NUP214: variants seen among roughly 807,000 people sequenced by gnomAD.
NUP214 encodes the protein nucleoporin 214, also known as nuclear pore complex protein Nup214.
NUP214 carries 79 observed loss-of-function variants against 196.2 expected under a neutral mutation model. The ratio of observed to expected loss-of-function variants is 0.40; its 90% CI spans 0.34 to 0.49. The LOEUF is 0.49. NUP214 is among the 20% of genes least tolerant of loss of function. The pLI is 0.58. For synonymous variants in NUP214, 1,020 were observed against 990.5 expected, an observed-to-expected ratio of 1.03 and a Z score of -0.56; for missense variants, 2,468 against 2,539.0, an observed-to-expected ratio of 0.97 and a Z score of 0.60.
At chr9:131,133,519 G>T (rs998939396) in intron 7 of NUP214, 12 of 183,102 alleles carry the variant, frequency 6.6e-5, no homozygotes, top group African/African-American at 2.4e-4. Context: ...GCCCAGGCTG[G>T]TCTTGAACTC....
At chr9:131,133,237 T>C in intron 7 of NUP214, 28 bp downstream of exon 7, 1 of 1,381,588 alleles carries the variant, frequency 7.2e-7, no homozygotes, top group Non-Finnish European at 9.8e-7. Context: ...ATTTCATTGT[T>C]TGAGAATTAG....
chr9:131,195,527 G>A, intron 28 of NUP214: 1 of 452,818 alleles, frequency 2.2e-6, no homozygotes, highest in Non-Finnish European at 3.9e-6. Flanking sequence ...GAAAATCAGG[G>A]CTGTGCTTTA....
At chr9:131,142,187 C>T (rs1831937698) in intron 11 of NUP214, among the ~76,000 whole-genome samples, 1 of 152,128 alleles carries the variant, frequency 6.6e-6, no homozygotes, top group African/African-American at 2.4e-5. Context: ...CTACCTATAC[C>T]CAGCTGCCTG....
At position 131,140,702 on chromosome 9, in the gene NUP214, A is replaced by C; in HGVS notation, c.1286A>C (p.Lys429Thr). The C allele has an allele frequency of 6.2e-7, 1 of 1,613,404 alleles. No homozygotes were observed. Among genetic ancestry groups the C allele is most frequent in the East Asian group, 2.2e-5 (1 of 44,882 alleles). ...TCATTAGAAGGAGAGCGACAGCCCA[A>C]GTCACCAGGTATGTGCCTCTGCCTG... is the stretch of plus-strand genomic sequence containing the variant. Reference protein sequence around the residue: ...RLSLEGERQPKSPGSTPTTPT... With the variant: ...RLSLEGERQPTSPGSTPTTPT... Residue 429 changes from lysine to threonine, a missense_variant, in exon 11 of 36, where the codon AAG becomes ACG. Physicochemically the swap from Lys to Thr is moderately conservative, Grantham distance 78 (BLOSUM62 -1). Transcript: ENST00000359428.
In NUP214 at chr9:131,125,884, C is replaced by T. The variant is rs909624948; in HGVS notation, c.45+135C>T. 1.3e-5 allele frequency: 13 copies of T among 968,300 alleles called. No individual in the cohort carries two copies. The highest frequency in any genetic ancestry group is 1.0e-4 in the African/African-American group (6 of 58,216). 60.0% of individuals were successfully genotyped at this position (968,300 alleles called of 1,614,324 possible). The stretch of plus-strand genomic sequence containing the variant: ...TTACCGCGTTCACAGCTCTCACCAG[C>T]GCGTCTGCCGCGCCGCTGGCGTGAT... On this transcript the variant is annotated intron_variant, in intron 1 of 35. Coordinates refer to ENST00000359428, the MANE Select transcript of NUP214 (RefSeq NM_005085.4). The surrounding 1 kb of genome is among the most constrained non-coding windows in gnomAD (Gnocchi z 4.1).
At chr9:131,133,312 T>G (rs1479613125) in intron 7 of NUP214, 103 bp downstream of exon 7, 4 of 664,140 alleles carry the variant, frequency 6.0e-6, no homozygotes, top group East Asian at 3.3e-5. Flanking sequence ...GTGTTTTTTT[T>G]TTTTTTTTTT....
chr9:131,178,336 G>T lies in NUP214; in HGVS notation c.3345G>T (p.Thr1115=), dbSNP rs144670924. 8.7e-6 allele frequency: 14 copies of T among 1,613,730 alleles called. No individual in the cohort carries two copies. Among genetic ancestry groups the T allele is most frequent in the East Asian group, 2.2e-5 (1 of 44,884 alleles). The part of the protein sequence containing the change: ...APAVNTLTES[T]LKNVPQVVNV... Reference sequence around the variant, plus strand: ...CTGTAAACACTTTGACTGAATCAACGTTGAAGAATGTCCCTCAAGTGGTAA... The same window carrying T: ...CTGTAAACACTTTGACTGAATCAACTTTGAAGAATGTCCCTCAAGTGGTAA... The change falls in exon 24 of 36, where the codon ACG becomes ACT. Residue 1115 remains threonine, a synonymous_variant. Coordinates refer to ENST00000359428, the MANE Select transcript of NUP214 (RefSeq NM_005085.4).
At chr9:131,160,979 A>C (rs1204857248) in intron 18 of NUP214, among the ~76,000 whole-genome samples, 1 of 152,240 alleles carries the variant, frequency 6.6e-6, no homozygotes, top group Non-Finnish European at 1.5e-5. Context: ...CCACAAGGGA[A>C]ACAATGGTCT....
chr9:131,138,187 C>T (rs950882664), intron 9 of NUP214, among the ~76,000 whole-genome samples: 7 of 151,330 alleles, frequency 4.6e-5, no homozygotes, highest in Admixed American at 1.3e-4. Context: ...CCTTCTCCTT[C>T]CTTTTCCTTC....
At position 131,230,643 on chromosome 9, in the gene NUP214, A is replaced by G; in HGVS notation, c.6088A>G (p.Ser2030Gly). ...ACTGGAGCGCAGGTTTGGGAGCAGC[A>G]GCAACACCACATCCTTCGGCACGCT... ...SAGGFGFGSS[S>G]NTTSFGTLAS... Residue 2030 changes from serine to glycine, a missense_variant, in exon 34 of 36, where the codon AGC (serine) becomes GGC (glycine). Around this residue, in one of 5 missense-constraint regions of NUP214, gnomAD observed 262 missense variants for 296.5 expected, o/e 0.88. Coordinates refer to ENST00000359428, the MANE Select transcript of NUP214 (RefSeq NM_005085.4). 3 of 1,614,098 alleles carry G rather than the reference A, an allele frequency of 1.9e-6. No individual in the cohort carries two copies. Among genetic ancestry groups the G allele is most frequent in the Non-Finnish European group, 2.5e-6 (3 of 1,179,988 alleles).
At chr9:131,167,704 G>A (rs935459273) in intron 21 of NUP214, among the ~76,000 whole-genome samples, 1 of 152,090 alleles carries the variant, frequency 6.6e-6, no homozygotes, top group Non-Finnish European at 1.5e-5. Flanking sequence ...ATTTGGATAT[G>A]TTCTTTTGTG....
intron 34 of NUP214, 121 bp downstream of exon 34, chr9:131,230,890 G>A (rs756395245): frequency 1.2e-4 from 144 of 1,186,626 alleles, no homozygotes; most frequent in Middle Eastern, 5.9e-4. Flanking sequence ...GACTGGGCAC[G>A]TGGTTCACGC....
chr9:131,155,432 CTG>C (rs1214577527), intron 17 of NUP214, among the ~76,000 whole-genome samples: 4 of 152,316 alleles, frequency 2.6e-5, no homozygotes, highest in Admixed American at 6.5e-5. Flanking sequence ...TTCTCCCACT[CTG>C]TGAGTTGTCT....
chr9:131,199,274 G>A (rs764680341), intron 29 of NUP214, among the ~76,000 whole-genome samples: 12 of 152,118 alleles, frequency 7.9e-5, no homozygotes, highest in Non-Finnish European at 1.3e-4. Context: ...TGTGTTTCAT[G>A]GGGAAAAATC....
rs778221801 is a variant in NUP214, at chr9:131,144,697, C to T, written c.1712C>T (p.Ala571Val). The change falls in exon 12 of 36, where the codon GCA becomes GTA. Residue 571 changes from alanine to valine, a missense_variant. By Grantham distance (64) the Ala-to-Val change is moderately conservative. Transcript: ENST00000359428. ...PVPSVSAPNI[A>V]MKPSFPPSTS... ...CCAAGTGTGTCTGCTCCAAATATAG[C>T]AATGAAGCCCTCCTTCCCACCCTCA... The T allele has an allele frequency of 6.2e-6, 10 of 1,613,960 alleles. No homozygotes were observed. The Admixed American group carries it at 1.7e-4, about 27-fold the overall frequency.
chr9:131,162,586 T>C (rs1471062197), intron 18 of NUP214, among the ~76,000 whole-genome samples: 4 of 152,150 alleles, frequency 2.6e-5, no homozygotes, highest in Non-Finnish European at 1.5e-5. Flanking sequence ...CTGACTCCCA[T>C]AGACTTCCAG....
At chr9:131,164,452 C>A in intron 21 of NUP214, 1 of 308,040 alleles carries the variant, frequency 3.2e-6, no homozygotes, top group Non-Finnish European at 6.1e-6. Flanking sequence ...TTGAGATAGG[C>A]TGAGCTGGAT....
At chr9:131,201,363 G>A (rs1194652622) in intron 29 of NUP214, among the ~76,000 whole-genome samples, 1 of 151,364 alleles carries the variant, frequency 6.6e-6, no homozygotes, top group Non-Finnish European at 1.5e-5. Flanking sequence ...CCGAGATCGC[G>A]CCACTGCACT....
intron 12 of NUP214, among the ~76,000 whole-genome samples, chr9:131,145,744 G>A (rs1298713050): frequency 2.0e-5 from 3 of 152,070 alleles, no homozygotes; most frequent in East Asian, 3.9e-4. Flanking sequence ...CTCTCAAAAC[G>A]AGTTCTCAGT....
Sources: gnomAD v4.1 joint callset for allele counts (sites outside exome capture counted in the v4.1 genomes callset) on GRCh38, gnomAD v4.1.1 for gene constraint, gnomAD v4.1.1 regional missense constraint, Gnocchi (gnomAD v3.1) non-coding constraint, MANE v1.5 for transcripts, NCBI Gene and HGNC (gene_info 2026-07-23, HGNC 2026-07-21) for gene names.